DLX4: variants seen among roughly 807,000 people sequenced by gnomAD.
The protein encoded by DLX4 is homeobox protein DLX-4.
Under a neutral mutation model 17.1 loss-of-function variants are expected in DLX4, and 13 were observed. That is an observed-to-expected ratio of 0.76 (90% confidence interval 0.49 to 1.21). DLX4 has a LOEUF of 1.21. Among genes scored for constraint, DLX4 ranks in the 50% most tolerant of loss-of-function variants. The pLI is 0.00. For missense variants in DLX4, 297 were observed against 301.4 expected, an observed-to-expected ratio of 0.99 and a Z score of 0.11; for synonymous variants, 129 against 140.3, an observed-to-expected ratio of 0.92 and a Z score of 0.57.
Position 49,973,140 on chromosome 17 carries a change from C to T in DLX4, c.351C>T (p.Leu117=). ...ERRPQAPAKK[L]RKPRTIYSSL... ...GCCCTCAGGCCCCCGCCAAAAAGCT[C>T]CGCAAGCCGAGGACCATCTACTCCA... Residue 117 remains leucine, a synonymous_variant, in exon 2 of 3, where the codon CTC becomes CTT. Coordinates refer to ENST00000240306, the MANE Select transcript of DLX4 (RefSeq NM_138281.3). 6.2e-7 allele frequency: 1 copy of T among 1,614,058 alleles called. No individual in the cohort carries two copies. Among genetic ancestry groups the T allele is most frequent in the Non-Finnish European group, 8.5e-7 (1 of 1,179,978 alleles).
chr17:49,973,697 G>C lies in DLX4; in HGVS notation c.481-4G>C. 6.7e-7 allele frequency: 1 copy of C among 1,487,078 alleles called. No individual in the cohort carries two copies. Among genetic ancestry groups the C allele is most frequent in the Non-Finnish European group, 8.9e-7 (1 of 1,117,802 alleles). The allele number at this position is 1,487,078 out of a possible 1,614,324, so 92.1% of individuals were successfully genotyped here. A position where few individuals can be genotyped will look rare whatever the true frequency, so the allele number is the denominator to read the frequency against. Reference sequence around the variant, plus strand: ...TTTCATTCTTTCCCCTTTTCTTCCCGAAGGTAAAGATCTGGTTTCAGAACA... The same window carrying C: ...TTTCATTCTTTCCCCTTTTCTTCCCCAAGGTAAAGATCTGGTTTCAGAACA... On this transcript the variant is annotated splice_region_variant and splice_polypyrimidine_tract_variant and intron_variant, in intron 2 of 2. Transcript: ENST00000240306.
upstream of DLX4, among the ~76,000 whole-genome samples, chr17:49,968,594 G>GCC (rs1338985070): frequency 1.3e-5 from 2 of 152,222 alleles, no homozygotes; most frequent in Non-Finnish European, 2.9e-5. Flanking sequence ...CAGCACGCAG[G>GCC]GCGGTGGGGT....
Position 49,969,660 on chromosome 17 carries a change from C to T in DLX4, c.192C>T (p.Asn64=), listed in dbSNP as rs1238640937. 2.5e-6 allele frequency: 4 copies of T among 1,610,048 alleles called. No individual in the cohort carries two copies. The highest frequency in any genetic ancestry group is 2.2e-5 in the East Asian group (1 of 44,846). Reference sequence around the variant, plus strand: ...CTTACCCCTACACCGAGCCAGCGAACCCCGGAGACTCCTACCTGTCCTGCC... The same window carrying T: ...CTTACCCCTACACCGAGCCAGCGAATCCCGGAGACTCCTACCTGTCCTGCC... ...LLSYPYTEPA[N]PGDSYLSCQQ... The change falls in exon 1 of 3, where the codon AAC becomes AAT. Residue 64 remains asparagine (N), a synonymous_variant. Transcript: ENST00000240306.
intron 1 of DLX4, among the ~76,000 whole-genome samples, chr17:49,970,708 C>T (rs756155685): frequency 6.6e-6 from 1 of 152,192 alleles, no homozygotes; most frequent in Non-Finnish European, 1.5e-5. Flanking sequence ...ATTGCTCACC[C>T]CCTCCTCCTG....
At position 49,972,381 on chromosome 17, in the gene DLX4, C is replaced by A. The variant is rs1905537515; in HGVS notation, c.284-692C>A. The A allele has an allele frequency of 6.6e-6, 1 of 152,280 alleles. No individual in the cohort carries two copies. Among genetic ancestry groups the A allele is most frequent in the African/African-American group, 2.4e-5 (1 of 41,458 alleles). 9.4% of individuals were successfully genotyped at this position (152,280 alleles called of 1,614,324 possible). On this transcript the variant is annotated intron_variant, in intron 1 of 2. Coordinates refer to ENST00000240306, the MANE Select transcript of DLX4 (RefSeq NM_138281.3). The surrounding 1 kb of genome is among the most constrained non-coding windows in gnomAD (Gnocchi z 5.4). The stretch of plus-strand genomic sequence containing the variant: ...CCCAACGAAGGAAGGGGCTGCCCCA[C>A]GCAGACCCGGCTTCTGGGGGTCCCT...
rs756746407 is a variant in DLX4 at position 49,969,444 on chromosome 17, C to G, written c.-25C>G. The G allele has an allele frequency of 5.3e-6, 8 of 1,510,076 alleles. No individual in the cohort carries two copies. Among genetic ancestry groups the G allele is most frequent in the Non-Finnish European group, 7.0e-6 (8 of 1,135,162 alleles). 93.5% of individuals were successfully genotyped at this position (1,510,076 alleles called of 1,614,324 possible). ...GAGCGGACTACGTGCCGGGCCATGG[C>G]CCTTCTGCCCGGGCCCTGGCCACAA... On this transcript the variant is annotated 5_prime_UTR_variant, in exon 1 of 3. Transcript: ENST00000240306.
rs1316731861 is a variant in DLX4 at position 49,974,571 on chromosome 17, T to A, written c.*628T>A. 1 of 130,404 alleles carries A rather than the reference T, an allele frequency of 7.7e-6. No individual in the cohort carries two copies. Among genetic ancestry groups the A allele is most frequent in the Non-Finnish European group, 1.6e-5 (1 of 61,560 alleles). The allele number at this position is 130,404 out of a possible 1,614,324, so 8.1% of individuals were successfully genotyped here. A position where few individuals can be genotyped will look rare whatever the true frequency, so the allele number is the denominator to read the frequency against. ...TGGAATTTGTGGACCTATGGGTAAT[T>A]TATGCTTTCCTCCTAAAAAAAAAAA... On this transcript the variant is annotated 3_prime_UTR_variant, in exon 3 of 3. Coordinates refer to ENST00000240306, the MANE Select transcript of DLX4 (RefSeq NM_138281.3).
upstream of DLX4, chr17:49,968,889 C>T (rs1905397196): frequency 6.6e-6 from 1 of 152,306 alleles, no homozygotes; most frequent in African/African-American, 2.4e-5. Context: ...CCTGCGTCTC[C>T]GCAGCCCCCG....
At chr17:49,973,363 T>C in intron 2 of DLX4, 94 bp downstream of exon 2, 1 of 1,503,290 alleles carries the variant, frequency 6.7e-7, no homozygotes, top group Non-Finnish European at 9.0e-7. Context: ...GATGGATTGG[T>C]GCTGTGGCCC....
chr17:49,972,860 G>A lies in DLX4; in HGVS notation c.284-213G>A. 16 of 1,442,736 alleles carry A rather than the reference G, an allele frequency of 1.1e-5. No individual in the cohort carries two copies. Among genetic ancestry groups the A allele is most frequent in the Non-Finnish European group, 1.5e-5 (16 of 1,095,362 alleles). The allele number at this position is 1,442,736 out of a possible 1,614,324, so 89.4% of individuals were successfully genotyped here. A position where few individuals can be genotyped will look rare whatever the true frequency, so the allele number is the denominator to read the frequency against. ...GTGGGAGCTCCCTGGGAGCAGAACT[G>A]CGTCTTGTATCACCTGGCGCGGTGA... On this transcript the variant is annotated intron_variant, in intron 1 of 2. Transcript: ENST00000240306. The surrounding 1 kb of genome is among the most constrained non-coding windows in gnomAD (Gnocchi z 5.4).
chr17:49,968,937 A>G (rs1905398114), upstream of DLX4: 1 of 152,440 alleles, frequency 6.6e-6, no homozygotes, highest in Non-Finnish European at 1.5e-5. Flanking sequence ...TCTCTTGGGC[A>G]TCCAGTCTCG....
Position 49,972,693 on chromosome 17 carries a change from C to T in DLX4, c.284-380C>T. On this transcript the variant is annotated intron_variant, in intron 1 of 2. Transcript: ENST00000240306. This position sits in a 1 kb window ranked among gnomAD's most constrained non-coding sequence, Gnocchi z 5.4. ...TGTCATCTCTAGGCCTCGGCTCAGC[C>T]CTGGACCTAGCCTTTCTGCCCCGCC... 3 of 1,315,422 alleles carry T rather than the reference C, an allele frequency of 2.3e-6. No homozygotes were observed. The highest frequency in any genetic ancestry group is 2.0e-5 in the South Asian group (1 of 49,404). 81.5% of individuals were successfully genotyped at this position (1,315,422 alleles called of 1,614,324 possible).
intron 1 of DLX4, among the ~76,000 whole-genome samples, chr17:49,970,362 C>T (rs572884426): frequency 1.3e-5 from 2 of 152,310 alleles, no homozygotes; most frequent in East Asian, 1.9e-4. Context: ...CCCTTCTATC[C>T]ATTGTTCTGA....
chr17:49,973,750 A>G lies in DLX4; in HGVS notation c.530A>G (p.Lys177Arg), dbSNP rs774745525. 47 of 1,537,164 alleles carry G rather than the reference A, an allele frequency of 3.1e-5. No homozygotes were observed. The highest frequency in any genetic ancestry group is 4.1e-5 in the Non-Finnish European group (47 of 1,142,640). ...CGCTCCAAGTATAAGAAGCTCCTGA[A>G]GCAGAATTCTGGGGGGCAGGAAGGG... The part of the protein sequence containing the change: ...NKRSKYKKLL[K>R]QNSGGQEGDF... Residue 177 changes from lysine (K) to arginine (R), a missense_variant, in exon 3 of 3, where the codon AAG (lysine) becomes AGG (arginine). Physicochemically the swap from Lys to Arg is conservative, Grantham distance 26. Coordinates refer to ENST00000240306, the MANE Select transcript of DLX4 (RefSeq NM_138281.3).
At chr17:49,970,686 T>G (rs1479430101) in intron 1 of DLX4, among the ~76,000 whole-genome samples, 2 of 152,202 alleles carry the variant, frequency 1.3e-5, no homozygotes, top group African/African-American at 4.8e-5. Context: ...CTGGACTCTC[T>G]GCCTCCATCT....
chr17:49,973,389 C>T (rs1308563576), intron 2 of DLX4, 120 bp downstream of exon 2: 4 of 1,401,106 alleles, frequency 2.9e-6, no homozygotes, highest in Non-Finnish European at 3.9e-6. Context: ...TCACAGTTCT[C>T]CAGGGAATGT....
intron 1 of DLX4, 21 bp from the exon 2 acceptor site, chr17:49,973,052 C>T: frequency 6.2e-7 from 1 of 1,613,656 alleles, no homozygotes; most frequent in Non-Finnish European, 8.5e-7. Flanking sequence ...GCCCCCTACA[C>T]CGTGTTGTGC....
chr17:49,970,967 G>A (rs1357367099), intron 1 of DLX4, among the ~76,000 whole-genome samples: 1 of 152,252 alleles, frequency 6.6e-6, no homozygotes, highest in Non-Finnish European at 1.5e-5. Context: ...TGCCTTCTGT[G>A]ACAGAACTGT....
intron 1 of DLX4, among the ~76,000 whole-genome samples, chr17:49,971,613 C>T (rs1480910588): frequency 6.6e-6 from 1 of 152,156 alleles, no homozygotes; most frequent in African/African-American, 2.4e-5. Flanking sequence ...GCGAATTCAG[C>T]AACCGGGTCG....
Sources: gnomAD v4.1 joint callset for allele counts (sites outside exome capture counted in the v4.1 genomes callset) on GRCh38, gnomAD v4.1.1 for gene constraint, Gnocchi (gnomAD v3.1) non-coding constraint, MANE v1.5 for transcripts, NCBI Gene and HGNC (gene_info 2026-07-23, HGNC 2026-07-21) for gene names.